The following TRIM2 variants were observed in gnomAD, a reference collection of about 807,000 sequenced individuals.
TRIM2 encodes tripartite motif-containing protein 2.
TRIM2 carries 20 observed loss-of-function variants against 75.2 expected under a neutral mutation model. That is an observed-to-expected ratio of 0.27 (90% CI 0.19 to 0.39). The LOEUF (loss-of-function observed/expected upper bound fraction) is 0.39, where lower values mean the gene tolerates loss of function less well. TRIM2 is among the 10% of genes least tolerant of loss of function. The probability of loss-of-function intolerance (pLI) is 1.00; values close to 1 mark genes in which losing one functional copy is unlikely to be tolerated. For missense variants in TRIM2, 660 were observed against 990.8 expected (o/e 0.67, Z 4.48); for synonymous variants, 373 against 388.3 (o/e 0.96, Z 0.46).
intron 3 of TRIM2, among the ~76,000 whole-genome samples, chr4:153,285,892 T>C (rs1220256535): frequency 1.3e-5 from 2 of 152,202 alleles, no homozygotes; most frequent in Non-Finnish European, 2.9e-5. Context: ...CTAAATGCCC[T>C]GGTCAGCACC....
intron 2 of TRIM2, among the ~76,000 whole-genome samples, chr4:153,270,735 C>T (rs531207267): frequency 1.3e-5 from 2 of 152,190 alleles, no homozygotes; most frequent in Non-Finnish European, 2.9e-5. Context: ...ACTACTGATT[C>T]GTTTACACAA....
chr4:153,273,270 C>CTTTTTTTTTTTTTTTTTTTTTTTTTTTT lies in TRIM2; in HGVS notation c.216-2600_216-2599insTTTTTTTTTTTTTTTTTTTTTTTTTTTT, dbSNP rs72414117. On this transcript the variant is annotated intron_variant, in intron 2 of 11. Coordinates refer to ENST00000338700, the MANE Select transcript of TRIM2 (RefSeq NM_015271.5). The stretch of plus-strand genomic sequence containing the variant: ...ACTCAGTGAGCACCTTACAGTCACT[C>CTTTTTTTTTTTTTTTTTTTTTTTTTTTT]TTTTTTTTTTTTTTTTTTTTTTTGA... Among the ~76,000 whole-genome samples, 3 of 57,390 alleles carry CTTTTTTTTTTTTTTTTTTTTTTTTTTTT rather than the reference C, an allele frequency of 5.2e-5. 1 individual carries two copies. Among genetic ancestry groups the CTTTTTTTTTTTTTTTTTTTTTTTTTTTT allele is most frequent in the Non-Finnish European group, 9.6e-5 (3 of 31,296 alleles). 37.7% of individuals were successfully genotyped at this position (57,390 alleles called of 152,430 possible).
In TRIM2 at chr4:153,300,775, A is replaced by G. The variant is rs142449986; in HGVS notation, c.1510+4739A>G. 7.3e-3 allele frequency among the ~76,000 whole-genome samples: 1,116 copies of G among 152,060 alleles called. 18 individuals are homozygous for G. The highest frequency in any genetic ancestry group is 0.025 in the African/African-American group (1,053 of 41,494). Reference sequence around the variant, plus strand: ...CTTGACCTTGTGATCCACCCACCTCAGCCTCCCAAAGTGCTGAGATTACAT... The same window carrying G: ...CTTGACCTTGTGATCCACCCACCTCGGCCTCCCAAAGTGCTGAGATTACAT... On this transcript the variant is annotated intron_variant, in intron 6 of 11. Transcript: ENST00000338700.
chr4:153,194,846 C>T (rs1733605894), intron 1 of TRIM2, among the ~76,000 whole-genome samples: 2 of 152,136 alleles, frequency 1.3e-5, no homozygotes, highest in African/African-American at 4.8e-5. Flanking sequence ...TCCTGCTTAG[C>T]TTATTTTCCC....
intron 6 of TRIM2, among the ~76,000 whole-genome samples, chr4:153,298,303 AT>A (rs1250393950): frequency 6.6e-6 from 1 of 152,206 alleles, no homozygotes; most frequent in African/African-American, 2.4e-5. Context: ...AATGATAGAC[AT>A]TTATTTTCTC....
intron 1 of TRIM2, among the ~76,000 whole-genome samples, chr4:153,177,149 C>T (rs1461161213): frequency 1.3e-5 from 2 of 152,204 alleles, no homozygotes; most frequent in African/African-American, 4.8e-5. Context: ...TTCCTACATT[C>T]CAGCTGGCAG....
In TRIM2 at chr4:153,266,736, C is replaced by T. The variant is rs554070705; in HGVS notation, c.31-3599C>T. On this transcript the variant is annotated intron_variant, in intron 1 of 11. Coordinates refer to ENST00000338700, the MANE Select transcript of TRIM2 (RefSeq NM_015271.5). ...GCTGGGCTCAAGTGATCTGTTCACCCGAACTCCCAAAGTGCTGGGATTACA... is the reference window on the plus strand; with the variant it reads ...GCTGGGCTCAAGTGATCTGTTCACCTGAACTCCCAAAGTGCTGGGATTACA... Among the ~76,000 whole-genome samples the T allele has an allele frequency of 1.1e-3, 161 of 151,352 alleles. 1 individual carries two copies. The highest frequency in any genetic ancestry group is 3.8e-3 in the African/African-American group (156 of 41,208).
At position 153,315,868 on chromosome 4, in the gene TRIM2, G is replaced by T; in HGVS notation, c.1651G>T (p.Gly551Cys). 6.2e-7 allele frequency: 1 copy of T among 1,614,092 alleles called. No homozygotes were observed. Among genetic ancestry groups the T allele is most frequent in the South Asian group, 1.1e-5 (1 of 91,070 alleles). The part of the protein sequence containing the change: ...SNDGQFKSRF[G>C]IRGRSPGQLQ... ...TGATGGCCAGTTCAAAAGTCGTTTT[G>T]GCATACGGGGACGCTCTCCGGGGCA... The change falls in exon 8 of 12, where the codon GGC becomes TGC. Residue 551 changes from glycine to cysteine, a missense_variant. Physicochemically the swap from Gly to Cys is radical, Grantham distance 159 (BLOSUM62 -3). Around this residue, in one of 2 missense-constraint regions of TRIM2, gnomAD observed 620 missense variants for 891.0 expected, o/e 0.70. Coordinates refer to ENST00000338700, the MANE Select transcript of TRIM2 (RefSeq NM_015271.5).
At chr4:153,203,394 T>TACACACACACAC (rs35049904), upstream of TRIM2, among the ~76,000 whole-genome samples, 30 of 141,376 alleles carry the variant, frequency 2.1e-4, 1 homozygote, top group South Asian at 2.3e-3. Flanking sequence ...CCCACATCTC[T>TACACACACACAC]ACACACACAC....
intron 1 of TRIM2, among the ~76,000 whole-genome samples, chr4:153,256,488 T>C (rs897225682): frequency 1.3e-5 from 2 of 152,242 alleles, no homozygotes; most frequent in African/African-American, 4.8e-5. Context: ...TACTGTTCCC[T>C]GCGTTTATTG....
chr4:153,293,119 T>G lies in TRIM2; in HGVS notation c.591T>G (p.Asp197Glu), dbSNP rs1302788288. ...AGGCCTCGCTCCAGGTCCAGCTGGATGCTGTCAACAAAAGGTGGGGGACCC... is the reference window on the plus strand; with the variant it reads ...AGGCCTCGCTCCAGGTCCAGCTGGAGGCTGTCAACAAAAGGTGGGGGACCC... ...QHKASLQVQLDAVNKRLPEID... is the reference protein window; with the variant it reads ...QHKASLQVQLEAVNKRLPEID... The change falls in exon 4 of 12, where the codon GAT becomes GAG. Residue 197 changes from aspartate (D) to glutamate (E), a missense_variant. By Grantham distance (45) the Asp-to-Glu change is conservative. Around this residue, in one of 2 missense-constraint regions of TRIM2, gnomAD observed 620 missense variants for 891.0 expected, o/e 0.70. Coordinates refer to ENST00000338700, the MANE Select transcript of TRIM2 (RefSeq NM_015271.5). 1.9e-6 allele frequency: 3 copies of G among 1,607,386 alleles called. No homozygotes were observed. The highest frequency in any genetic ancestry group is 2.2e-5 in the South Asian group (2 of 90,650).
At chr4:153,206,290 T>C (rs1334137289) in intron 1 of TRIM2, among the ~76,000 whole-genome samples, 1 of 152,236 alleles carries the variant, frequency 6.6e-6, no homozygotes, top group Non-Finnish European at 1.5e-5. Context: ...TGAGAAGTTC[T>C]CACGATCCTT....
At chr4:153,262,367 G>A (rs534428904) in intron 1 of TRIM2, among the ~76,000 whole-genome samples, 2 of 152,232 alleles carry the variant, frequency 1.3e-5, no homozygotes, top group African/African-American at 2.4e-5. Flanking sequence ...ATAGGAGGTC[G>A]AAGCTGTCTT....
At chr4:153,210,058 A>ATTTTTTTTTT (rs761134144) in intron 1 of TRIM2, among the ~76,000 whole-genome samples, 1 of 107,026 alleles carries the variant, frequency 9.3e-6, no homozygotes, top group Non-Finnish European at 1.8e-5. Context: ...GGGTGATTTA[A>ATTTTTTTTTT]TTTTTTTTTT....
intron 1 of TRIM2, among the ~76,000 whole-genome samples, chr4:153,218,236 C>A (rs1409417693): frequency 6.6e-6 from 1 of 152,174 alleles, no homozygotes; most frequent in Admixed American, 6.5e-5. Context: ...TATTTTATGT[C>A]TTGCTCTGTC....
rs150137706 is a variant in TRIM2, at chr4:153,324,270, T to C, written c.2022+122T>C. On this transcript the variant is annotated intron_variant, in intron 10 of 11. Coordinates refer to ENST00000338700, the MANE Select transcript of TRIM2 (RefSeq NM_015271.5). ...GGGAGTTAACCAGCAGAGTAGACTT[T>C]GTTCTGCTCAAAGATGCCGGTTTTA... The C allele has an allele frequency of 4.4e-3, 3,311 of 749,952 alleles. 13 individuals carry two copies. Among genetic ancestry groups the C allele is most frequent in the Non-Finnish European group, 5.2e-3 (2,520 of 487,530 alleles). The allele number at this position is 749,952 out of a possible 1,614,324, so 46.5% of individuals were successfully genotyped here. A position where few individuals can be genotyped will look rare whatever the true frequency, so the allele number is the denominator to read the frequency against.
intron 1 of TRIM2, among the ~76,000 whole-genome samples, chr4:153,175,441 G>T (rs62323663): frequency 0.036 from 5,453 of 152,178 alleles, 231 homozygotes; most frequent in Admixed American, 0.14. Flanking sequence ...CCGTGATGGT[G>T]GCCTTCACCG....
chr4:153,273,010 T>G (rs562082092), intron 2 of TRIM2, among the ~76,000 whole-genome samples: 24 of 151,916 alleles, frequency 1.6e-4, no homozygotes, highest in African/African-American at 5.6e-4. Context: ...AGCTAATTTT[T>G]GTATTTTTAG....
intron 1 of TRIM2, among the ~76,000 whole-genome samples, chr4:153,178,479 C>T (rs1731704918): frequency 6.6e-6 from 1 of 152,206 alleles, no homozygotes; most frequent in Non-Finnish European, 1.5e-5. Context: ...TGCCTTCTGG[C>T]TGCCTCCTGT....
Sources: gnomAD v4.1 joint callset for allele counts (sites outside exome capture counted in the v4.1 genomes callset) on GRCh38, gnomAD v4.1.1 for gene constraint, gnomAD v4.1.1 regional missense constraint, MANE v1.5 for transcripts, NCBI Gene and HGNC (gene_info 2026-07-23, HGNC 2026-07-21) for gene names.